LMNB1: variants seen among roughly 807,000 people sequenced by gnomAD.
LMNB1 encodes the protein lamin-B1.
In LMNB1, 23 loss-of-function variants were observed where a neutral mutation model predicts 67.1. The ratio of observed to expected loss-of-function variants is 0.34; its 90% CI spans 0.25 to 0.49. LMNB1 has a LOEUF of 0.49. Ranked by LOEUF, LMNB1 falls within the 20% of genes least tolerant of loss-of-function variation. The pLI, the probability that LMNB1 is intolerant of heterozygous loss-of-function variation, is 0.99. For missense variants in LMNB1, 634 were observed against 746.5 expected (o/e 0.85, Z 1.76); for synonymous variants, 281 against 282.9 (o/e 0.99, Z 0.07).
At chr5:126,813,892 CTTG>C (rs568572101) in intron 5 of LMNB1, among the ~76,000 whole-genome samples, 13 of 152,112 alleles carry the variant, frequency 8.5e-5, no homozygotes, top group African/African-American at 2.4e-4. Context: ...CTTTGTTTTT[CTTG>C]TTGTTTTTTT....
chr5:126,807,936 A>T (rs1199644467), intron 3 of LMNB1, among the ~76,000 whole-genome samples: 1 of 150,448 alleles, frequency 6.6e-6, no homozygotes, highest in Admixed American at 6.6e-5. Flanking sequence ...CAGTAGTACG[A>T]TCTTGGCTCA....
rs2271354 is a variant in LMNB1 at position 126,810,079 on chromosome 5, A to G, written c.643-101A>G. ...GACCGCCTGAGGACAAACAGGAGGA[A>G]GTTCGTGTGTAAAACTTCAGATGGC... On this transcript the variant is annotated intron_variant, in intron 3 of 10. Coordinates refer to ENST00000261366, the MANE Select transcript of LMNB1 (RefSeq NM_005573.4). 771,117 of 1,065,036 alleles carry G rather than the reference A, an allele frequency of 0.72. 280,320 individuals carry two copies. The highest frequency in any genetic ancestry group is 0.75 in the South Asian group (40,463 of 54,042). The allele number at this position is 1,065,036 out of a possible 1,614,324, so 66.0% of individuals were successfully genotyped here.
intron 1 of LMNB1, among the ~76,000 whole-genome samples, chr5:126,786,643 C>T (rs189339395): frequency 1.6e-4 from 24 of 152,288 alleles, no homozygotes; most frequent in African/African-American, 5.8e-4. Flanking sequence ...ATGTAGCAGG[C>T]TCACAGAGCA....
At chr5:126,799,164 G>C (rs1449921653) in intron 1 of LMNB1, among the ~76,000 whole-genome samples, 1 of 151,928 alleles carries the variant, frequency 6.6e-6, no homozygotes, top group Non-Finnish European at 1.5e-5. Flanking sequence ...GACTACAGGC[G>C]CCCGCCACCT....
chr5:126,826,386 C>T (rs1478966311), intron 9 of LMNB1, among the ~76,000 whole-genome samples: 2 of 152,194 alleles, frequency 1.3e-5, no homozygotes, highest in South Asian at 2.1e-4. Flanking sequence ...TACTTCACCT[C>T]TCTTAGATTT....
At chr5:126,776,907 C>G (rs905850257), upstream of LMNB1, 2 of 152,268 alleles carry the variant, frequency 1.3e-5, no homozygotes, top group African/African-American at 4.8e-5. Flanking sequence ...AACCGCCCAG[C>G]CGGGAGGGCC....
intron 1 of LMNB1, among the ~76,000 whole-genome samples, chr5:126,803,502 C>A (rs1198437201): frequency 1.3e-5 from 2 of 152,046 alleles, no homozygotes; most frequent in African/African-American, 4.8e-5. Context: ...CCCACCTCAG[C>A]CTCCCAGAGT....
In LMNB1 at chr5:126,786,401, G is replaced by A. The variant is rs954301848; in HGVS notation, c.359+8534G>A. ...CTCCCAGAGTGCTGGGATTACAGGC[G>A]TGAGCCACCGTTCCCGGCCAGACAT... On this transcript the variant is annotated intron_variant, in intron 1 of 10. Transcript: ENST00000261366. Among the ~76,000 whole-genome samples the A allele has an allele frequency of 3.9e-5, 6 of 152,114 alleles. No individual in the cohort carries two copies. In the East Asian group the frequency reaches 7.7e-4, roughly 20 times the overall value.
chr5:126,798,293 C>G (rs1449421820), intron 1 of LMNB1, among the ~76,000 whole-genome samples: 1 of 151,928 alleles, frequency 6.6e-6, no homozygotes, highest in Non-Finnish European at 1.5e-5. Flanking sequence ...ACTAAAAATA[C>G]AAAAAAATTA....
chr5:126,780,474 A>G (rs1316781655), intron 1 of LMNB1, among the ~76,000 whole-genome samples: 1 of 152,326 alleles, frequency 6.6e-6, no homozygotes, highest in African/African-American at 2.4e-5. Flanking sequence ...TATCGATTCT[A>G]AAATGCATGC....
intron 1 of LMNB1, among the ~76,000 whole-genome samples, chr5:126,787,546 A>ATATATATTTTTTTTTTTTTTTT: frequency 5.3e-4 from 35 of 65,554 alleles, no homozygotes; most frequent in Non-Finnish European, 7.4e-4. Context: ...ATATATATAT[A>ATATATATTTTTTTTTTTTTTTT]TTTTTTTTTT....
intron 1 of LMNB1, among the ~76,000 whole-genome samples, chr5:126,781,342 C>T (rs1447657231): frequency 6.6e-6 from 1 of 152,116 alleles, no homozygotes; most frequent in Non-Finnish European, 1.5e-5. Flanking sequence ...GAAAGGATGG[C>T]AGGAGGTAAA....
intron 1 of LMNB1, among the ~76,000 whole-genome samples, chr5:126,800,755 C>T (rs1392518153): frequency 1.4e-5 from 2 of 140,828 alleles, no homozygotes; most frequent in African/African-American, 2.6e-5. Flanking sequence ...CGGGTTCAAG[C>T]GATTCTCCCG....
At chr5:126,781,867 C>T (rs1488388256) in intron 1 of LMNB1, among the ~76,000 whole-genome samples, 1 of 152,164 alleles carries the variant, frequency 6.6e-6, no homozygotes, top group African/African-American at 2.4e-5. Flanking sequence ...TTTGGTTCCT[C>T]AGCAAACAAG....
intron 9 of LMNB1, among the ~76,000 whole-genome samples, chr5:126,831,364 C>T (rs1752125674): frequency 6.6e-6 from 1 of 152,236 alleles, no homozygotes. Flanking sequence ...AGCAAAAACA[C>T]TGCTGCATTT....
chr5:126,811,738 AG>A, intron 4 of LMNB1, 34 bp from the exon 5 acceptor site: 1 of 1,584,384 alleles, frequency 6.3e-7, no homozygotes, highest in Non-Finnish European at 8.6e-7. Flanking sequence ...TTTCAGTTCT[AG>A]ATAAGACTGA....
chr5:126,832,377 C>A (rs537093997), intron 9 of LMNB1, among the ~76,000 whole-genome samples: 2 of 151,664 alleles, frequency 1.3e-5, no homozygotes, highest in Non-Finnish European at 2.9e-5. Flanking sequence ...GGCGTGATCT[C>A]GGCTCACTGC....
At chr5:126,803,002 T>C (rs531301732) in intron 1 of LMNB1, among the ~76,000 whole-genome samples, 2 of 151,610 alleles carry the variant, frequency 1.3e-5, no homozygotes, top group East Asian at 4.0e-4. Context: ...CTGGCCAAAA[T>C]AGGCAAACCC....
intron 1 of LMNB1, among the ~76,000 whole-genome samples, chr5:126,793,407 C>G (rs1751015050): frequency 6.6e-6 from 1 of 151,966 alleles, no homozygotes; most frequent in African/African-American, 2.4e-5. Flanking sequence ...CGAGTTTCAA[C>G]TAGAGTTTGC....
Sources: allele counts gnomAD v4.1 joint callset (sites outside exome capture counted in the v4.1 genomes callset), GRCh38; gene constraint gnomAD v4.1.1; transcripts MANE v1.5; gene names NCBI Gene and HGNC (gene_info 2026-07-23, HGNC 2026-07-21).